The following PROM1 variants were observed in gnomAD, a reference collection of about 807,000 sequenced individuals.
The protein encoded by PROM1 is prominin 1, also known as prominin-1.
A neutral mutation model predicts 116.9 loss-of-function variants in PROM1; 105 were observed. The ratio of observed to expected loss-of-function variants is 0.90; its 90% CI spans 0.77 to 1.06. PROM1 has a LOEUF of 1.06. Ranked by LOEUF, PROM1 falls within the 50% of genes least tolerant of loss-of-function variation. The pLI, the probability that PROM1 is intolerant of heterozygous loss-of-function variation, is 0.00. For missense variants in PROM1, 1,122 were observed against 1,045.2 expected (o/e 1.07, Z -1.01); for synonymous variants, 393 against 387.0 (o/e 1.02, Z -0.18).
At chr4:16,018,879 A>T (rs1315440829) in intron 8 of PROM1, among the ~76,000 whole-genome samples, 1 of 152,216 alleles carries the variant, frequency 6.6e-6, no homozygotes, top group Non-Finnish European at 1.5e-5. Flanking sequence ...AGCTCAGTCC[A>T]AACAAGTCAA....
chr4:15,999,221 C>T (rs568824826), intron 14 of PROM1, among the ~76,000 whole-genome samples: 163 of 152,026 alleles, frequency 1.1e-3, no homozygotes, highest in African/African-American at 3.7e-3. Context: ...CCTGTAATCC[C>T]AGCACTTTGG....
intron 6 of PROM1, among the ~76,000 whole-genome samples, 191 bp from the exon 7 acceptor site, chr4:16,024,549 CCAGA>C (rs1730753770): frequency 6.6e-6 from 1 of 152,098 alleles, no homozygotes; most frequent in South Asian, 2.1e-4. Context: ...TGCTTCCTGC[CCAGA>C]CACTTTTTAA....
chr4:16,062,234 G>C lies in PROM1; in HGVS notation c.220+13453C>G, dbSNP rs550791290. On this transcript the variant is annotated intron_variant, in intron 2 of 27. Transcript: ENST00000447510. ...AAGACACCAGTCATATTGGATTAAG[G>C]ACCCAGCCTACCCCTGTATGACCTA... Among the ~76,000 whole-genome samples, 37 of 152,152 alleles carry C rather than the reference G, an allele frequency of 2.4e-4. No homozygotes were observed. The South Asian group carries it at 7.7e-3, about 32-fold the overall frequency.
chr4:16,071,469 C>T (rs884227), intron 2 of PROM1, among the ~76,000 whole-genome samples: 104,221 of 151,982 alleles, frequency 0.69, 37,049 homozygotes, highest in Non-Finnish European at 0.8. Flanking sequence ...TGTGTTGAAG[C>T]GTTAACCCCT....
Position 16,075,870 on chromosome 4 carries a change from G to A in PROM1, c.37C>T (p.Leu13=). ...LVLGSLLLLG[L]CGNSFSGGQP... is the part of the protein sequence containing the mutation. The stretch of plus-strand genomic sequence containing the variant: ...CCTCCTGAAAAGGAGTTCCCGCACA[G>A]CCCCAGCAGCAACAGGGAGCCGAGT... The change falls in exon 2 of 28, where the codon CTG becomes TTG. Residue 13 remains leucine, a synonymous_variant. Coordinates refer to ENST00000447510, the MANE Select transcript of PROM1 (RefSeq NM_006017.3). 6.2e-7 allele frequency: 1 copy of A among 1,613,364 alleles called. No homozygotes were observed. Among genetic ancestry groups the A allele is most frequent in the Non-Finnish European group, 8.5e-7 (1 of 1,179,598 alleles).
Position 16,075,868 on chromosome 4 carries a change from C to G in PROM1, c.39G>C (p.Leu13=), listed in dbSNP as rs1489552008. 6 of 1,613,342 alleles carry G rather than the reference C, an allele frequency of 3.7e-6. No individual in the cohort carries two copies. The highest frequency in any genetic ancestry group is 3.4e-6 in the Non-Finnish European group (4 of 1,179,600). Residue 13 remains leucine (L), a synonymous_variant, in exon 2 of 28, where the codon CTG becomes CTC. Transcript: ENST00000447510. ...LVLGSLLLLG[L]CGNSFSGGQP... ...GCCCTCCTGAAAAGGAGTTCCCGCA[C>G]AGCCCCAGCAGCAACAGGGAGCCGA...
chr4:16,059,312 AG>A (rs1358296191), intron 2 of PROM1, among the ~76,000 whole-genome samples: 1 of 152,204 alleles, frequency 6.6e-6, no homozygotes, highest in Non-Finnish European at 1.5e-5. Flanking sequence ...CCACCCCACA[AG>A]ACAGTAGACA....
At chr4:16,014,529 T>C (rs1411099821) in intron 10 of PROM1, among the ~76,000 whole-genome samples, 2 of 152,232 alleles carry the variant, frequency 1.3e-5, no homozygotes, top group East Asian at 3.8e-4. Flanking sequence ...AGTAAGTGTC[T>C]GGTAAACACA....
intron 15 of PROM1, among the ~76,000 whole-genome samples, chr4:15,994,498 C>T (rs114668811): frequency 0.018 from 2,808 of 152,184 alleles, 84 homozygotes; most frequent in African/African-American, 0.064. Context: ...TCTGTATTTC[C>T]AGGGCCGAGC....
chr4:16,018,141 C>T (rs1728874414), intron 9 of PROM1, among the ~76,000 whole-genome samples, 182 bp downstream of exon 9: 1 of 152,088 alleles, frequency 6.6e-6, no homozygotes, highest in South Asian at 2.1e-4. Flanking sequence ...CCTTTTACTC[C>T]TTTGCTCCTG....
intron 2 of PROM1, among the ~76,000 whole-genome samples, chr4:16,048,331 TGA>T (rs1351406474): frequency 6.6e-6 from 1 of 152,216 alleles, no homozygotes; most frequent in Non-Finnish European, 1.5e-5. Context: ...GTTTAGTACC[TGA>T]GTGATATGCA....
At chr4:16,080,059 G>T (rs1744738906) in intron 1 of PROM1, 1 of 148,814 alleles carries the variant, frequency 6.7e-6, no homozygotes, top group Non-Finnish European at 1.5e-5. Context: ...AAACGTAGTG[G>T]TGCACAACTG....
chr4:15,989,720 G>A lies in PROM1; in HGVS notation c.2076+12C>T, dbSNP rs200356026. 2.3e-5 allele frequency: 37 copies of A among 1,578,508 alleles called. 1 individual carries two copies. Among genetic ancestry groups the A allele is most frequent in the Non-Finnish European group, 2.5e-5 (29 of 1,154,478 alleles). On this transcript the variant is annotated intron_variant, in intron 19 of 27. Coordinates refer to ENST00000447510, the MANE Select transcript of PROM1 (RefSeq NM_006017.3). Reference sequence around the variant, plus strand: ...AGGTCACAGTGAAATACAATACGTCGTTGACTGTTACCAGTGATTGTTCTA... The same window carrying A: ...AGGTCACAGTGAAATACAATACGTCATTGACTGTTACCAGTGATTGTTCTA...
At chr4:16,021,682 C>T (rs1182308331) in intron 8 of PROM1, among the ~76,000 whole-genome samples, 1 of 152,184 alleles carries the variant, frequency 6.6e-6, no homozygotes, top group African/African-American at 2.4e-5. Flanking sequence ...TTCCAATTCT[C>T]CCTCCAGAGG....
intron 10 of PROM1, among the ~76,000 whole-genome samples, chr4:16,015,345 C>CAAAAAAAAAAAAA (rs71649934): frequency 5.8e-5 from 3 of 51,544 alleles, no homozygotes; most frequent in Non-Finnish European, 9.8e-5. Flanking sequence ...GACTCCATCT[C>CAAAAAAAAAAAAA]AAAAAAAAAA....
intron 10 of PROM1, 94 bp from the exon 11 acceptor site, chr4:16,013,432 C>A: frequency 1.2e-6 from 1 of 807,938 alleles, no homozygotes; most frequent in Non-Finnish European, 2.1e-6. Flanking sequence ...AGTAGAGAGG[C>A]AAAATAAAAA....
chr4:16,041,796 A>G (rs1011029801), intron 2 of PROM1, among the ~76,000 whole-genome samples: 1 of 144,740 alleles, frequency 6.9e-6, no homozygotes, highest in African/African-American at 2.6e-5. Context: ...ATATATATAT[A>G]TATATATATA....
At chr4:16,021,282 G>T (rs1041906788) in intron 8 of PROM1, among the ~76,000 whole-genome samples, 5 of 152,030 alleles carry the variant, frequency 3.3e-5, no homozygotes, top group African/African-American at 1.2e-4. Flanking sequence ...TACCTAAAAA[G>T]TACTAAAATT....
intron 2 of PROM1, 50 bp downstream of exon 2, chr4:16,075,636 TG>T (rs1743788108): frequency 6.7e-7 from 1 of 1,500,518 alleles, no homozygotes; most frequent in Admixed American, 1.9e-5. Flanking sequence ...AAAACAATAT[TG>T]TGGGTGCGTT....
Sources: allele counts gnomAD v4.1 joint callset (sites outside exome capture counted in the v4.1 genomes callset), GRCh38; gene constraint gnomAD v4.1.1; transcripts MANE v1.5; gene names NCBI Gene and HGNC (gene_info 2026-07-23, HGNC 2026-07-21).